The following STAB1 variants were observed in gnomAD, a reference collection of about 807,000 sequenced individuals.
The protein encoded by STAB1 is stabilin 1, also known as stabilin-1.
A neutral mutation model predicts 332.4 loss-of-function variants in STAB1; 250 were observed. The ratio of observed to expected loss-of-function variants is 0.75; its 90% CI spans 0.68 to 0.84. STAB1 has a LOEUF of 0.84. Among genes scored for constraint, STAB1 ranks in the 40% least tolerant of loss-of-function variants. The pLI, the probability that STAB1 is intolerant of heterozygous loss-of-function variation, is 0.00. For synonymous variants in STAB1, 1,475 were observed against 1,390.4 expected, an observed-to-expected ratio of 1.06 and a Z score of -1.35; for missense variants, 3,249 against 3,489.7, an observed-to-expected ratio of 0.93 and a Z score of 1.74.
intron 17 of STAB1, 25 bp downstream of exon 17, chr3:52,506,275 G>C (rs779547109): frequency 5.6e-6 from 9 of 1,598,424 alleles, no homozygotes; most frequent in Admixed American, 1.7e-5. Context: ...CACCTGGGCG[G>C]ATGGTGGGGC....
At position 52,503,810 on chromosome 3, in the gene STAB1, C is replaced by A; in HGVS notation, c.930C>A (p.Asn310Lys). 6.2e-7 allele frequency: 1 copy of A among 1,613,246 alleles called. No homozygotes were observed. Among genetic ancestry groups the A allele is most frequent in the South Asian group, 1.1e-5 (1 of 91,088 alleles). Residue 310 changes from asparagine (N) to lysine (K), a missense_variant, in exon 9 of 69, where the codon AAC (asparagine) becomes AAA (lysine). Coordinates refer to ENST00000321725, the MANE Select transcript of STAB1 (RefSeq NM_015136.3). Reference sequence around the variant, plus strand: ...GCCGGCCAGGCCTGGTCAGCATCAACAGCAACGCTTCTGCGGGCTGCTTCG... The same window carrying A: ...GCCGGCCAGGCCTGGTCAGCATCAAAAGCAACGCTTCTGCGGGCTGCTTCG... ...CTCRPGLVSI[N>K]SNASAGCFAF...
At position 52,512,839 on chromosome 3, in the gene STAB1, C is replaced by G. The variant is rs1370451793; in HGVS notation, c.3039C>G (p.Ile1013Met). ...IFYQWLKSAGITLPADRRVTA... is the reference protein window; with the variant it reads ...IFYQWLKSAGMTLPADRRVTA... The stretch of plus-strand genomic sequence containing the variant: ...CTGTGTGCGTGCAGAGTGCCGGCAT[C>G]ACGCTTCCTGCCGACCGCCGAGTCA... Residue 1013 changes from isoleucine to methionine, a missense_variant, in exon 29 of 69, where the codon ATC (isoleucine) becomes ATG (methionine). Transcript: ENST00000321725. The G allele has an allele frequency of 6.2e-7, 1 of 1,609,228 alleles. No individual in the cohort carries two copies. Among genetic ancestry groups the G allele is most frequent in the South Asian group, 1.1e-5 (1 of 91,028 alleles).
chr3:52,522,865 C>T lies in STAB1; in HGVS notation c.6835C>T (p.Arg2279Trp), dbSNP rs993011575. The change falls in exon 62 of 69, where the codon CGG becomes TGG. Residue 2279 changes from arginine (R) to tryptophan (W), a missense_variant. Arg to Trp is a moderately radical substitution (Grantham distance 101, BLOSUM62 -3). Transcript: ENST00000321725. ...VFPVADCGNG[R>W]VGIVSLGARK... is the part of the protein sequence containing the mutation. ...CCCTGTGGCGGACTGTGGCAATGGT[C>T]GGGTGGGCATAGTCAGCCTGGGTGC... is the stretch of plus-strand genomic sequence containing the variant. The T allele has an allele frequency of 1.4e-5, 23 of 1,613,158 alleles. No individual in the cohort carries two copies. The highest frequency in any genetic ancestry group is 1.9e-5 in the Non-Finnish European group (22 of 1,180,018).
chr3:52,519,755 A>G, intron 50 of STAB1, 189 bp from the exon 51 acceptor site: 1 of 1,122,728 alleles, frequency 8.9e-7, no homozygotes, highest in Non-Finnish European at 1.3e-6. Flanking sequence ...GGGTGTGCTT[A>G]TGTGTGCCCA....
Position 52,506,739 on chromosome 3 carries a change from C to T in STAB1, c.1878C>T (p.Asp626=), listed in dbSNP as rs368050530. The change falls in exon 18 of 69, where the codon GAC becomes GAT. Residue 626 remains aspartate (D), a synonymous_variant. Coordinates refer to ENST00000321725, the MANE Select transcript of STAB1 (RefSeq NM_015136.3). The part of the protein sequence containing the change: ...GPEGVPLQRV[D]VMAANGVIHM... ...AGGGGGTCCCGCTGCAGAGGGTAGA[C>T]GTGATGGCCGCCAATGGTGTGATCC... 340 of 1,612,550 alleles carry T rather than the reference C, an allele frequency of 2.1e-4. 1 individual carries two copies. The highest frequency in any genetic ancestry group is 2.6e-4 in the Non-Finnish European group (312 of 1,179,554).
Position 52,521,444 on chromosome 3 carries a change from C to G in STAB1, c.5992C>G (p.Arg1998Gly). The change falls in exon 56 of 69, where the codon CGT (arginine) becomes GGT (glycine). Residue 1998 changes from arginine (R) to glycine (G), a missense_variant. By Grantham distance (125) the Arg-to-Gly change is moderately radical. Transcript: ENST00000321725. ...GMSGSGQCLC[R>G]SGFAGTACEL... is the part of the protein sequence containing the mutation. ...GAGTGGCAGTGGGCAGTGTCTGTGC[C>G]GTTCAGGTTTTGCTGGGACAGCCTG... 4 of 1,614,010 alleles carry G rather than the reference C, an allele frequency of 2.5e-6. No individual in the cohort carries two copies. The highest frequency in any genetic ancestry group is 3.4e-6 in the Non-Finnish European group (4 of 1,180,010).
Position 52,518,813 on chromosome 3 carries a change from G to T in STAB1, c.4978G>T (p.Glu1660Ter). ...CRRLRSEDLL[E>*]QGYATALSGH... is the part of the protein sequence containing the mutation. Reference sequence around the variant, plus strand: ...GCGGCTGCGGAGCGAGGACCTGCTGGAGCAGGGGTACGCCACGGCCCTCTC... The same window carrying T: ...GCGGCTGCGGAGCGAGGACCTGCTGTAGCAGGGGTACGCCACGGCCCTCTC... The change falls in exon 48 of 69, where the codon GAG becomes TAG. Residue 1660 changes from glutamate to a stop codon, truncating the protein, a stop_gained. Coordinates refer to ENST00000321725, the MANE Select transcript of STAB1 (RefSeq NM_015136.3). LOFTEE classifies it high-confidence loss of function. 6.2e-7 allele frequency: 1 copy of T among 1,611,090 alleles called. No individual in the cohort carries two copies.
Position 52,523,013 on chromosome 3 carries a change from C to T in STAB1, c.6911-12C>T. ...ACCAATCTGCTGAGCCACTGACCTG[C>T]TTTTCCTGCAGATGTGGCCTGCCGA... On this transcript the variant is annotated splice_polypyrimidine_tract_variant and intron_variant, in intron 62 of 68. Transcript: ENST00000321725. 5 of 1,584,676 alleles carry T rather than the reference C, an allele frequency of 3.2e-6. No homozygotes were observed. Among genetic ancestry groups the T allele is most frequent in the South Asian group, 1.1e-5 (1 of 87,150 alleles).
chr3:52,496,601 G>A (rs1708044550), intron 1 of STAB1, among the ~76,000 whole-genome samples: 1 of 152,222 alleles, frequency 6.6e-6, no homozygotes, highest in South Asian at 2.1e-4. Context: ...CGACAGTGAT[G>A]GGGGAAGAGC....
rs1225837818 is a variant in STAB1, at chr3:52,522,842, C to T, written c.6812C>T (p.Pro2271Leu). Residue 2271 changes from proline (P) to leucine (L), a missense_variant, in exon 62 of 69, where the codon CCT becomes CTT. By Grantham distance (98) the Pro-to-Leu change is moderately conservative. Transcript: ENST00000321725. ...NGSTAHPVVF[P>L]VADCGNGRVG... ...TCCACTGCCCACCCTGTGGTTTTCC[C>T]TGTGGCGGACTGTGGCAATGGTCGG... is the stretch of plus-strand genomic sequence containing the variant. The T allele has an allele frequency of 1.2e-6, 2 of 1,613,294 alleles. No homozygotes were observed. The highest frequency in any genetic ancestry group is 1.3e-5 in the African/African-American group (1 of 75,034).
chr3:52,514,617 C>A, intron 34 of STAB1, 84 bp from the exon 35 acceptor site: 2 of 1,591,986 alleles, frequency 1.3e-6, no homozygotes, highest in South Asian at 2.3e-5. Context: ...GGGAGCCCCC[C>A]GGCCCTGGAG....
rs764973459 is a variant in STAB1 at position 52,509,920 on chromosome 3, G to C, written c.2398G>C (p.Val800Leu). Reference protein sequence around the residue: ...LCDNRPGSGGVCQQGTCAPGF... With the variant: ...LCDNRPGSGGLCQQGTCAPGF... ...CGACAACCGCCCAGGCAGTGGGGGG[G>C]TGTGCCAGCAGGGCACGTGTGCCCC... Residue 800 changes from valine (V) to leucine (L), a missense_variant, in exon 23 of 69, where the codon GTG becomes CTG. Physicochemically the swap from Val to Leu is conservative, Grantham distance 32. Transcript: ENST00000321725. 2 of 1,612,938 alleles carry C rather than the reference G, an allele frequency of 1.2e-6. No homozygotes were observed. Among genetic ancestry groups the C allele is most frequent in the African/African-American group, 1.3e-5 (1 of 74,942 alleles).
In STAB1 at chr3:52,505,652, C is replaced by G; in HGVS notation, c.1582-16C>G. 6.2e-7 allele frequency: 1 copy of G among 1,612,368 alleles called. No individual in the cohort carries two copies. The highest frequency in any genetic ancestry group is 8.5e-7 in the Non-Finnish European group (1 of 1,179,576). ...CTGGCCATGCAACCCCCTGAGCCTCCCTTGCACCACCACAGAACTGTGGGC... is the reference window on the plus strand; with the variant it reads ...CTGGCCATGCAACCCCCTGAGCCTCGCTTGCACCACCACAGAACTGTGGGC... On this transcript the variant is annotated splice_polypyrimidine_tract_variant and intron_variant, in intron 14 of 68. Coordinates refer to ENST00000321725, the MANE Select transcript of STAB1 (RefSeq NM_015136.3).
In STAB1 at chr3:52,522,091, G is replaced by A. The variant is rs541206317; in HGVS notation, c.6326G>A (p.Ser2109Asn). 1.2e-6 allele frequency: 2 copies of A among 1,613,128 alleles called. No individual in the cohort carries two copies. The highest frequency in any genetic ancestry group is 2.2e-5 in the South Asian group (2 of 91,090). Residue 2109 changes from serine (S) to asparagine (N), a missense_variant, in exon 59 of 69, where the codon AGC becomes AAC. By Grantham distance (46) the Ser-to-Asn change is conservative. Coordinates refer to ENST00000321725, the MANE Select transcript of STAB1 (RefSeq NM_015136.3). ...GGCTGCAGTGAGCACGCCAACTGTA[G>A]CCAGGTAGGAACAATGGTCACTTGT... ...HGGCSEHANC[S>N]QVGTMVTCTC... is the part of the protein sequence containing the mutation.
At chr3:52,503,150 G>A (rs749607864) in intron 7 of STAB1, 41 bp downstream of exon 7, 16 of 1,538,708 alleles carry the variant, frequency 1.0e-5, no homozygotes, top group African/African-American at 2.7e-5. Context: ...AGCTCAGGGC[G>A]GGCGGGGGCT....
At chr3:52,521,974 G>A (rs1405584740) in intron 58 of STAB1, 23 bp downstream of exon 58, 3 of 1,606,654 alleles carry the variant, frequency 1.9e-6, no homozygotes, top group African/African-American at 2.7e-5. Flanking sequence ...GCGGGGACAT[G>A]GAGGTGGGAG....
At chr3:52,518,231 C>G in intron 45 of STAB1, 81 bp from the exon 46 acceptor site, 1 of 1,595,786 alleles carries the variant, frequency 6.3e-7, no homozygotes, top group Non-Finnish European at 8.6e-7. Context: ...CTTGGCTAGA[C>G]CTTGGGCCGC....
chr3:52,521,214 A>T, intron 55 of STAB1, 147 bp from the exon 56 acceptor site: 2 of 1,252,010 alleles, frequency 1.6e-6, no homozygotes, highest in Middle Eastern at 2.6e-4. Context: ...GGGGGTCTGG[A>T]TGTTCTCCAG....
At chr3:52,513,273 C>T in intron 30 of STAB1, 32 bp downstream of exon 30, 1 of 1,540,106 alleles carries the variant, frequency 6.5e-7, no homozygotes, top group Non-Finnish European at 8.8e-7. Context: ...GAAAAGGGGA[C>T]CAGGTAGGGC....
Sources: allele counts gnomAD v4.1 joint callset (sites outside exome capture counted in the v4.1 genomes callset), GRCh38; gene constraint gnomAD v4.1.1; transcripts MANE v1.5; gene names NCBI Gene and HGNC (gene_info 2026-07-23, HGNC 2026-07-21).